The following RALGAPA2 variants were observed in gnomAD, a reference collection of about 807,000 sequenced individuals.
RALGAPA2 encodes ral GTPase-activating protein subunit alpha-2.
Under a neutral mutation model 230.4 loss-of-function variants are expected in RALGAPA2, and 139 were observed. That is an observed-to-expected ratio of 0.60 (90% confidence interval 0.53 to 0.69). The LOEUF (loss-of-function observed/expected upper bound fraction) is 0.69, where lower values mean the gene tolerates loss of function less well. Among genes scored for constraint, RALGAPA2 ranks in the 30% least tolerant of loss-of-function variants. The pLI, the probability that RALGAPA2 is intolerant of heterozygous loss-of-function variation, is 0.00. For missense variants in RALGAPA2, 2,163 were observed against 2,276.0 expected (o/e 0.95, Z 1.01); for synonymous variants, 847 against 837.8 (o/e 1.01, Z -0.19).
At chr20:20,512,111 C>G (rs373907495) in intron 32 of RALGAPA2, among the ~76,000 whole-genome samples, 1 of 151,946 alleles carries the variant, frequency 6.6e-6, no homozygotes, top group African/African-American at 2.4e-5. Flanking sequence ...TTGCTTGAAC[C>G]CAGGAGGCGG....
chr20:20,455,442 C>G (rs1216936591), intron 37 of RALGAPA2, among the ~76,000 whole-genome samples: 2 of 152,188 alleles, frequency 1.3e-5, no homozygotes, highest in Non-Finnish European at 2.9e-5. Flanking sequence ...GTCATCACCA[C>G]CTCCTCGCCT....
intron 19 of RALGAPA2, 115 bp downstream of exon 19, chr20:20,584,750 C>A (rs1335193497): frequency 1.6e-5 from 13 of 819,640 alleles, no homozygotes; most frequent in South Asian, 2.1e-5. Context: ...CAGAGCACTC[C>A]AGCCTGGGCG....
At chr20:20,468,963 T>TGTGTG (rs2061480717) in intron 37 of RALGAPA2, among the ~76,000 whole-genome samples, 2 of 143,292 alleles carry the variant, frequency 1.4e-5, no homozygotes, top group African/African-American at 5.1e-5. Context: ...GTGTGTGTGT[T>TGTGTG]TGTGTGTGTG....
intron 23 of RALGAPA2, among the ~76,000 whole-genome samples, chr20:20,559,483 G>GT (rs373106113): frequency 1.5e-3 from 223 of 152,244 alleles, no homozygotes; most frequent in African/African-American, 5.2e-3. Context: ...CACTACACCT[G>GT]TCCTGCCCAT....
intron 13 of RALGAPA2, among the ~76,000 whole-genome samples, chr20:20,614,009 A>G (rs1339028316): frequency 6.6e-6 from 1 of 152,208 alleles, no homozygotes; most frequent in East Asian, 1.9e-4. Context: ...CCTTGTCTAC[A>G]TAGTTCGCCA....
chr20:20,495,676 T>C (rs1345457915), intron 35 of RALGAPA2, among the ~76,000 whole-genome samples: 1 of 152,214 alleles, frequency 6.6e-6, no homozygotes, highest in East Asian at 1.9e-4. Context: ...CTCAATTCAA[T>C]GGTTATTATG....
At chr20:20,557,566 C>T (rs760570711) in intron 23 of RALGAPA2, among the ~76,000 whole-genome samples, 1 of 152,162 alleles carries the variant, frequency 6.6e-6, no homozygotes, top group Non-Finnish European at 1.5e-5. Flanking sequence ...TGCTTAAGGT[C>T]ATGGCTGCAA....
chr20:20,425,152 C>T (rs1324138089), intron 37 of RALGAPA2, among the ~76,000 whole-genome samples: 1 of 152,070 alleles, frequency 6.6e-6, no homozygotes, highest in Admixed American at 6.6e-5. Context: ...GTAAATGAAA[C>T]TGACAAGTAT....
intron 3 of RALGAPA2, among the ~76,000 whole-genome samples, chr20:20,671,795 A>G (rs1168523348): frequency 6.6e-6 from 1 of 152,218 alleles, no homozygotes; most frequent in Non-Finnish European, 1.5e-5. Flanking sequence ...TGTGAGAGGG[A>G]TAGGTCTAGA....
chr20:20,495,143 A>T lies in RALGAPA2; in HGVS notation c.5341T>A (p.Phe1781Ile), dbSNP rs2062168128. 6.2e-7 allele frequency: 1 copy of T among 1,608,642 alleles called. No individual in the cohort carries two copies. The highest frequency in any genetic ancestry group is 8.5e-7 in the Non-Finnish European group (1 of 1,175,914). The part of the protein sequence containing the change: ...IIYPMKNHMF[F>I]IAITKKPEVP... The stretch of plus-strand genomic sequence containing the variant: ...TCAGGTTTCTTCGTTATCGCGATGA[A>T]GAACATGTGATTCTTCATTGGGTAA... Residue 1781 changes from phenylalanine (F) to isoleucine (I), a missense_variant, in exon 36 of 40, where the codon TTC (phenylalanine) becomes ATC (isoleucine). Transcript: ENST00000202677.
intron 1 of RALGAPA2, among the ~76,000 whole-genome samples, chr20:20,693,732 C>A (rs532196593): frequency 1.1e-4 from 16 of 152,302 alleles, no homozygotes; most frequent in African/African-American, 3.6e-4. Context: ...CTTACCCCCA[C>A]TAGAAAGGGT....
chr20:20,691,702 C>A (rs1187746722), intron 1 of RALGAPA2, among the ~76,000 whole-genome samples: 9 of 152,142 alleles, frequency 5.9e-5, no homozygotes, highest in Admixed American at 2.6e-4. Context: ...TGTCCAAGCA[C>A]CACTAGCCTG....
At chr20:20,685,460 T>A (rs1482667436) in intron 1 of RALGAPA2, among the ~76,000 whole-genome samples, 2 of 152,154 alleles carry the variant, frequency 1.3e-5, no homozygotes, top group Non-Finnish European at 2.9e-5. Flanking sequence ...ACCCTCACCA[T>A]AGCCCAATGA....
At chr20:20,416,622 G>A (rs964265125) in intron 37 of RALGAPA2, among the ~76,000 whole-genome samples, 1 of 152,210 alleles carries the variant, frequency 6.6e-6, no homozygotes, top group African/African-American at 2.4e-5. Context: ...AAACCTGAGT[G>A]CGTATGTGTA....
intron 5 of RALGAPA2, among the ~76,000 whole-genome samples, chr20:20,642,128 G>A (rs1392664077): frequency 1.6e-5 from 1 of 61,258 alleles, no homozygotes; most frequent in Admixed American, 1.5e-4. Flanking sequence ...GGAGGGGAGG[G>A]GAGGGGAGGG....
chr20:20,683,316 G>A (rs922425818), intron 1 of RALGAPA2, among the ~76,000 whole-genome samples: 1 of 152,002 alleles, frequency 6.6e-6, no homozygotes, highest in East Asian at 1.9e-4. Context: ...CGGCCAACTC[G>A]AATATTTAAT....
Position 20,712,285 on chromosome 20 carries a change from C to G in RALGAPA2, c.106+90G>C. The G allele has an allele frequency of 9.1e-7, 1 of 1,098,278 alleles. No homozygotes were observed. Among genetic ancestry groups the G allele is most frequent in the East Asian group, 3.4e-5 (1 of 29,580 alleles). The allele number at this position is 1,098,278 out of a possible 1,614,324, so 68.0% of individuals were successfully genotyped here. ...GCCCACCCATCCCCCTCCCCAGCCT[C>G]CCAGCCACCGACCCCTGCACAGAGG... On this transcript the variant is annotated intron_variant, in intron 1 of 39. Transcript: ENST00000202677. This position sits in a 1 kb window ranked among gnomAD's most constrained non-coding sequence, Gnocchi z 5.5.
chr20:20,582,918 G>A (rs958181197), intron 20 of RALGAPA2, 132 bp downstream of exon 20: 1 of 895,498 alleles, frequency 1.1e-6, no homozygotes, highest in Non-Finnish European at 1.7e-6. Flanking sequence ...CTCCTATGGT[G>A]GACAGTGGTC....
At chr20:20,596,654 T>C (rs965932604) in intron 16 of RALGAPA2, among the ~76,000 whole-genome samples, 1 of 152,200 alleles carries the variant, frequency 6.6e-6, no homozygotes, top group Admixed American at 6.5e-5. Flanking sequence ...GAATGTCAGG[T>C]TGTTCTCAAA....
Sources: gnomAD v4.1 joint callset for allele counts (sites outside exome capture counted in the v4.1 genomes callset) on GRCh38, gnomAD v4.1.1 for gene constraint, Gnocchi (gnomAD v3.1) non-coding constraint, MANE v1.5 for transcripts, NCBI Gene and HGNC (gene_info 2026-07-23, HGNC 2026-07-21) for gene names.